The following KCNA10 variants were observed in gnomAD, a reference collection of about 807,000 sequenced individuals.
KCNA10 encodes potassium voltage-gated channel subfamily A member 10.
KCNA10 carries 16 observed loss-of-function variants against 21.4 expected under a neutral mutation model. The ratio of observed to expected loss-of-function variants is 0.75; its 90% CI spans 0.51 to 1.14. KCNA10 has a LOEUF of 1.14. KCNA10 is among the 50% of genes most tolerant of loss of function. KCNA10 has a pLI of 0.00. For missense variants in KCNA10, 677 were observed against 649.1 expected, an observed-to-expected ratio of 1.04 and a Z score of -0.47; for synonymous variants, 276 against 245.9, an observed-to-expected ratio of 1.12 and a Z score of -1.15.
chr1:110,518,833 G>A lies in KCNA10; in HGVS notation c.-46C>T, dbSNP rs1293960940. On this transcript the variant is annotated 5_prime_UTR_variant, in exon 1 of 1. The change creates a premature stop within an existing upstream ORF in the 5' untranslated region. Transcript: ENST00000369771. ...AGCATGAAGATCCTCAGCCTTCACTGCCTGCTGTGAGCTATGGAGAAGAAG... is the reference window on the plus strand; with the variant it reads ...AGCATGAAGATCCTCAGCCTTCACTACCTGCTGTGAGCTATGGAGAAGAAG... The A allele has an allele frequency of 7.0e-7, 1 of 1,423,196 alleles. No individual in the cohort carries two copies. The highest frequency in any genetic ancestry group is 2.4e-5 in the East Asian group (1 of 41,830). 88.2% of individuals were successfully genotyped at this position (1,423,196 alleles called of 1,614,324 possible).
rs1477933143 is a variant in KCNA10, at chr1:110,518,438, T to C, written c.350A>G (p.Lys117Arg). ...CATGGAGTCAAAGAACTGCATCCTT[T>C]TTTCCCGGTCTCCCAGGAGAGTCTC... is the stretch of plus-strand genomic sequence containing the variant. ...FPETLLGDRE[K>R]RMQFFDSMRN... The change falls in exon 1 of 1, where the codon AAA (lysine) becomes AGA (arginine). Residue 117 changes from lysine (K) to arginine (R), a missense_variant. Lys to Arg is a conservative substitution (Grantham distance 26, BLOSUM62 2). Transcript: ENST00000369771. 2 of 1,614,186 alleles carry C rather than the reference T, an allele frequency of 1.2e-6. No homozygotes were observed. The highest frequency in any genetic ancestry group is 2.7e-5 in the African/African-American group (2 of 75,048).
In KCNA10 at chr1:110,518,893, C is replaced by T; in HGVS notation, c.-106G>A. ...ATACAAGATCCAGGGCAGAATACAA[C>T]TGGCCCTTGTTTATTGAGGTAAGGT... On this transcript the variant is annotated 5_prime_UTR_variant, in exon 1 of 1. Coordinates refer to ENST00000369771, the MANE Select transcript of KCNA10 (RefSeq NM_005549.2). 3.0e-6 allele frequency: 3 copies of T among 988,248 alleles called. No homozygotes were observed. The highest frequency in any genetic ancestry group is 4.4e-6 in the Non-Finnish European group (3 of 680,978). 61.2% of individuals were successfully genotyped at this position (988,248 alleles called of 1,614,324 possible).
rs1647301049 is a variant in KCNA10, at chr1:110,518,861, G to A, written c.-74C>T. The A allele has an allele frequency of 7.8e-7, 1 of 1,281,280 alleles. No homozygotes were observed. The allele number at this position is 1,281,280 out of a possible 1,614,324, so 79.4% of individuals were successfully genotyped here. A position where few individuals can be genotyped will look rare whatever the true frequency, so the allele number is the denominator to read the frequency against. The stretch of plus-strand genomic sequence containing the variant: ...TGCTGTGAGCTATGGAGAAGAAGAA[G>A]TTCATTATACAAGATCCAGGGCAGA... On this transcript the variant is annotated 5_prime_UTR_variant, in exon 1 of 1. Coordinates refer to ENST00000369771, the MANE Select transcript of KCNA10 (RefSeq NM_005549.2).
In KCNA10 at chr1:110,518,243, T is replaced by C. The variant is rs1454273672; in HGVS notation, c.545A>G (p.Asp182Gly). The change falls in exon 1 of 1, where the codon GAT becomes GGT. Residue 182 changes from aspartate (D) to glycine (G), a missense_variant. Transcript: ENST00000369771. Reference sequence around the variant, plus strand: ...TTCAGGGTCTTTGATGAAGCCTTCATCCTCCCGGAACTGGTCCATGGCCTC... The same window carrying C: ...TTCAGGGTCTTTGATGAAGCCTTCACCCTCCCGGAACTGGTCCATGGCCTC... Reference protein sequence around the residue: ...GSEAMDQFREDEGFIKDPETL... With the variant: ...GSEAMDQFREGEGFIKDPETL... 6.2e-7 allele frequency: 1 copy of C among 1,613,896 alleles called. No individual in the cohort carries two copies. The highest frequency in any genetic ancestry group is 8.5e-7 in the Non-Finnish European group (1 of 1,180,028).
rs868838468 is a variant in KCNA10 at position 110,518,588 on chromosome 1, G to A, written c.200C>T (p.Pro67Leu). Residue 67 changes from proline (P) to leucine (L), a missense_variant, in exon 1 of 1, where the codon CCG (proline) becomes CTG (leucine). By Grantham distance (98) the Pro-to-Leu change is moderately conservative. Transcript: ENST00000369771. ...CCCTGGGGGGTCAGCATAGTCTCCC[G>A]GAAGCTTGGAGAAGGCCGTCTCATG... Reference protein sequence around the residue: ...TNHETAFSKLPGDYADPPGPE... With the variant: ...TNHETAFSKLLGDYADPPGPE... 10 of 1,614,130 alleles carry A rather than the reference G, an allele frequency of 6.2e-6. No homozygotes were observed. The highest frequency in any genetic ancestry group is 2.2e-5 in the East Asian group (1 of 44,890).
chr1:110,518,107 G>T lies in KCNA10; in HGVS notation c.681C>A (p.Val227=), dbSNP rs1341559863. The change falls in exon 1 of 1, where the codon GTC becomes GTA. Residue 227 remains valine (V), a synonymous_variant. Transcript: ENST00000369771. ...AVAVVSVLVV[V]ISITIFCLET... is the part of the protein sequence containing the mutation. Reference sequence around the variant, plus strand: ...CCAGGCAGAAGATGGTGATGGAGATGACCACAACCAACACCGAGACCACGG... The same window carrying T: ...CCAGGCAGAAGATGGTGATGGAGATTACCACAACCAACACCGAGACCACGG... 9.3e-6 allele frequency: 15 copies of T among 1,613,500 alleles called. No individual in the cohort carries two copies. Among genetic ancestry groups the T allele is most frequent in the Non-Finnish European group, 1.1e-5 (13 of 1,179,908 alleles).
rs755048620 is a variant in KCNA10, at chr1:110,518,385, G to A, written c.403C>T (p.Arg135Trp). 21 of 1,614,070 alleles carry A rather than the reference G, an allele frequency of 1.3e-5. No individual in the cohort carries two copies. The highest frequency in any genetic ancestry group is 4.4e-5 in the South Asian group (4 of 91,086). The change falls in exon 1 of 1, where the codon CGG becomes TGG. Residue 135 changes from arginine (R) to tryptophan (W), a missense_variant. Physicochemically the swap from Arg to Trp is moderately radical, Grantham distance 101. Coordinates refer to ENST00000369771, the MANE Select transcript of KCNA10 (RefSeq NM_005549.2). ...TATAGGATTCCATCAAAACTGGGCC[G>A]GTTCCGATCAAAGAAATACTCATTT... ...MRNEYFFDRN[R>W]PSFDGILYYY...
In KCNA10 at chr1:110,517,983, C is replaced by T. The variant is rs748710253; in HGVS notation, c.805G>A (p.Asp269Asn). Reference sequence around the variant, plus strand: ...GTAGACTCCACCATGAAGAAAGGGTCGGTGAACATGGTCTGGGAGAGGACT... The same window carrying T: ...GTAGACTCCACCATGAAGAAAGGGTTGGTGAACATGGTCTGGGAGAGGACT... ...KTVLSQTMFT[D>N]PFFMVESTCI... Residue 269 changes from aspartate to asparagine, a missense_variant, in exon 1 of 1, where the codon GAC becomes AAC. Physicochemically the swap from Asp to Asn is conservative, Grantham distance 23. Coordinates refer to ENST00000369771, the MANE Select transcript of KCNA10 (RefSeq NM_005549.2). 17 of 1,613,742 alleles carry T rather than the reference C, an allele frequency of 1.1e-5. No individual in the cohort carries two copies. The highest frequency in any genetic ancestry group is 4.4e-5 in the South Asian group (4 of 91,064).
rs1400671935 is a variant in KCNA10 at position 110,518,023 on chromosome 1, G to A, written c.765C>T (p.Leu255=). ...RELKVVRDPN[L]NMSKTVLSQT... ...GGGAGAGGACTGTCTTGCTCATGTTGAGATTGGGGTCTCTGACCACCTTTA... is the reference window on the plus strand; with the variant it reads ...GGGAGAGGACTGTCTTGCTCATGTTAAGATTGGGGTCTCTGACCACCTTTA... The change falls in exon 1 of 1, where the codon CTC becomes CTT. Residue 255 remains leucine (L), a synonymous_variant. Coordinates refer to ENST00000369771, the MANE Select transcript of KCNA10 (RefSeq NM_005549.2). The A allele has an allele frequency of 6.2e-7, 1 of 1,613,972 alleles. No individual in the cohort carries two copies. Among genetic ancestry groups the A allele is most frequent in the Non-Finnish European group, 8.5e-7 (1 of 1,179,998 alleles).
Position 110,517,779 on chromosome 1 carries a change from G to A in KCNA10, c.1009C>T (p.Leu337=), listed in dbSNP as rs749047165. The change falls in exon 1 of 1, where the codon CTG becomes TTG. Residue 337 remains leucine (L), a synonymous_variant. Coordinates refer to ENST00000369771, the MANE Select transcript of KCNA10 (RefSeq NM_005549.2). ...AGGCGGATGATCCTCAGGATGGCCAGGGACATGTTCTGTTGGGCACTCGGC... is the reference window on the plus strand; with the variant it reads ...AGGCGGATGATCCTCAGGATGGCCAAGGACATGTTCTGTTGGGCACTCGGC... ...TEPSAQQNMS[L]AILRIIRLVR... is the part of the protein sequence containing the mutation. The A allele has an allele frequency of 9.3e-6, 15 of 1,614,060 alleles. No individual in the cohort carries two copies. The highest frequency in any genetic ancestry group is 1.3e-5 in the African/African-American group (1 of 74,932).
In KCNA10 at chr1:110,517,522, T is replaced by C. The variant is rs772349583; in HGVS notation, c.1266A>G (p.Val422=). 1 of 1,614,160 alleles carries C rather than the reference T, an allele frequency of 6.2e-7. No individual in the cohort carries two copies. Among genetic ancestry groups the C allele is most frequent in the South Asian group, 1.1e-5 (1 of 91,082 alleles). Residue 422 remains valine (V), a synonymous_variant, in exon 1 of 1, where the codon GTA becomes GTG. Coordinates refer to ENST00000369771, the MANE Select transcript of KCNA10 (RefSeq NM_005549.2). The part of the protein sequence containing the change: ...FWWAVVTMTT[V]GYGDMCPTTP... ...TGGTCGGGCACATGTCCCCATAGCC[T>C]ACAGTTGTCATGGTGACCACTGCCC...
rs187179669 is a variant in KCNA10 at position 110,517,679 on chromosome 1, G to T, written c.1109C>A (p.Ala370Glu). 3.1e-6 allele frequency: 5 copies of T among 1,614,044 alleles called. No homozygotes were observed. Among genetic ancestry groups the T allele is most frequent in the African/African-American group, 1.3e-5 (1 of 74,904 alleles). Residue 370 changes from alanine to glutamate, a missense_variant, in exon 1 of 1, where the codon GCG (alanine) becomes GAG (glutamate). Coordinates refer to ENST00000369771, the MANE Select transcript of KCNA10 (RefSeq NM_005549.2). ...GAGCAACCCCAACTCCCGCATGGAC[G>T]CCTTCAGTGTTTGCCCGAGGATCTG... ...GLQILGQTLK[A>E]SMRELGLLIF...
rs1319623200 is a variant in KCNA10 at position 110,517,481 on chromosome 1, AT to A, written c.1306del (p.Ile436LeufsTer52). 2 of 1,614,022 alleles carry A rather than the reference AT, an allele frequency of 1.2e-6. No homozygotes were observed. Among genetic ancestry groups the A allele is most frequent in the African/African-American group, 2.7e-5 (2 of 74,912 alleles). On this transcript the variant is annotated frameshift_variant, in exon 1 of 1. Coordinates refer to ENST00000369771, the MANE Select transcript of KCNA10 (RefSeq NM_005549.2). LOFTEE classifies it high-confidence loss of function. ...TGCAATGGCACACAGAGTGCCCACA[AT>A]CTTCCCCCCTGGGGTGGTCGGGCAC... ...DMCPTTPGGKIVGTLCAIAGV... is the reference protein window; with the variant it reads ...DMCPTTPGGKXVGTLCAIAGV...
Position 110,518,035 on chromosome 1 carries a change from T to A in KCNA10, c.753A>T (p.Arg251Ser). ...FREDRELKVV[R>S]DPNLNMSKTV... ...TCTTGCTCATGTTGAGATTGGGGTC[T>A]CTGACCACCTTTAGCTCCCTATCCT... The change falls in exon 1 of 1, where the codon AGA (arginine) becomes AGT (serine). Residue 251 changes from arginine (R) to serine (S), a missense_variant. Coordinates refer to ENST00000369771, the MANE Select transcript of KCNA10 (RefSeq NM_005549.2). 1.9e-6 allele frequency: 3 copies of A among 1,613,876 alleles called. No individual in the cohort carries two copies. Among genetic ancestry groups the A allele is most frequent in the Non-Finnish European group, 2.5e-6 (3 of 1,179,966 alleles).
At position 110,517,901 on chromosome 1, in the gene KCNA10, T is replaced by C. The variant is rs1647264336; in HGVS notation, c.887A>G (p.Lys296Arg). The C allele has an allele frequency of 1.2e-6, 2 of 1,613,980 alleles. No homozygotes were observed. Among genetic ancestry groups the C allele is most frequent in the Non-Finnish European group, 1.7e-6 (2 of 1,180,002 alleles). ...CATGATGTTCCTGAAGAAGTCAGTC[T>C]TGCTGGGGCAGACCACGAACCGGAG... ...LVLRFVVCPS[K>R]TDFFRNIMNI... The change falls in exon 1 of 1, where the codon AAG becomes AGG. Residue 296 changes from lysine to arginine, a missense_variant. Coordinates refer to ENST00000369771, the MANE Select transcript of KCNA10 (RefSeq NM_005549.2).
rs754592081 is a variant in KCNA10, at chr1:110,517,385, G to C, written c.1403C>G (p.Thr468Ser). The change falls in exon 1 of 1, where the codon ACT (threonine) becomes AGT (serine). Residue 468 changes from threonine to serine, a missense_variant. Physicochemically the swap from Thr to Ser is moderately conservative, Grantham distance 58. Coordinates refer to ENST00000369771, the MANE Select transcript of KCNA10 (RefSeq NM_005549.2). Reference protein sequence around the residue: ...SNFNYFYHRETENEEKQNIPG... With the variant: ...SNFNYFYHRESENEEKQNIPG... ...GATGTTCTGCTTTTCTTCATTCTCA[G>C]TCTCCCGGTGGTAGAAGTAATTGAA... 1 of 1,614,132 alleles carries C rather than the reference G, an allele frequency of 6.2e-7. No individual in the cohort carries two copies. The highest frequency in any genetic ancestry group is 1.1e-5 in the South Asian group (1 of 91,064).
Position 110,518,561 on chromosome 1 carries a change from G to A in KCNA10, c.227C>T (p.Pro76Leu). 8 of 1,614,182 alleles carry A rather than the reference G, an allele frequency of 5.0e-6. No individual in the cohort carries two copies. Among genetic ancestry groups the A allele is most frequent in the Non-Finnish European group, 6.8e-6 (8 of 1,180,030 alleles). ...TCCTTCATTTAGGACCACTGGCTCA[G>A]GCCCTGGGGGGTCAGCATAGTCTCC... ...LPGDYADPPG[P>L]EPVVLNEGNQ... is the part of the protein sequence containing the mutation. Residue 76 changes from proline to leucine, a missense_variant, in exon 1 of 1, where the codon CCT (proline) becomes CTT (leucine). Coordinates refer to ENST00000369771, the MANE Select transcript of KCNA10 (RefSeq NM_005549.2).
At position 110,519,007 on chromosome 1, in the gene KCNA10, G is replaced by A; in HGVS notation, c.-220C>T. 1 of 439,106 alleles carries A rather than the reference G, an allele frequency of 2.3e-6. No individual in the cohort carries two copies. The allele number at this position is 439,106 out of a possible 1,614,324, so 27.2% of individuals were successfully genotyped here. Reference sequence around the variant, plus strand: ...AGCATGCTTCCCTTAAAATCATTTTGTACCCCTGAGTTTGCATAAACTAAT... The same window carrying A: ...AGCATGCTTCCCTTAAAATCATTTTATACCCCTGAGTTTGCATAAACTAAT... On this transcript the variant is annotated 5_prime_UTR_variant, in exon 1 of 1. Coordinates refer to ENST00000369771, the MANE Select transcript of KCNA10 (RefSeq NM_005549.2).
Position 110,517,575 on chromosome 1 carries a change from A to G in KCNA10, c.1213T>C (p.Phe405Leu). The G allele has an allele frequency of 6.2e-7, 1 of 1,614,198 alleles. No homozygotes were observed. Among genetic ancestry groups the G allele is most frequent in the South Asian group, 1.1e-5 (1 of 91,078 alleles). Residue 405 changes from phenylalanine (F) to leucine (L), a missense_variant, in exon 1 of 1, where the codon TTC (phenylalanine) becomes CTC (leucine). Transcript: ENST00000369771. ...CAGAAGCCATCAGGAATGCTAGAGA[A>G]ATGGGACTCTGGCTCATCCACCTCA... ...FAEVDEPESH[F>L]SSIPDGFWWA...
Sources: gnomAD v4.1 joint callset for allele counts on GRCh38, gnomAD v4.1.1 for gene constraint, MANE v1.5 for transcripts, NCBI Gene and HGNC (gene_info 2026-07-23, HGNC 2026-07-21) for gene names.